The following SSPN variants were observed in gnomAD, a reference collection of about 807,000 sequenced individuals.
SSPN encodes the protein sarcospan.
In SSPN, 15 loss-of-function variants were observed where a neutral mutation model predicts 19.1. The observed-to-expected ratio is 0.78, with a 90% confidence interval of 0.52 to 1.21. The LOEUF (loss-of-function observed/expected upper bound fraction) is 1.21, where lower values mean the gene tolerates loss of function less well. SSPN is among the 50% of genes most tolerant of loss of function. The pLI is 0.00. For synonymous variants in SSPN, 147 were observed against 140.3 expected (o/e 1.05, Z -0.34); for missense variants, 291 against 314.0 (o/e 0.93, Z 0.55).
At chr12:26,224,235 T>G (rs1945153471) in intron 1 of SSPN, 58 bp from the exon 2 acceptor site, 9 of 1,214,904 alleles carry the variant, frequency 7.4e-6, no homozygotes, top group Non-Finnish European at 1.1e-5. Context: ...GAGACTGATG[T>G]CATTTGAACG....
chr12:26,197,072 C>G (rs1434305309), intron 1 of SSPN, among the ~76,000 whole-genome samples: 1 of 152,210 alleles, frequency 6.6e-6, no homozygotes, highest in Non-Finnish European at 1.5e-5. Context: ...ATGACATTCT[C>G]AAGCCCAGAG....
intron 1 of SSPN, chr12:26,124,199 G>A (rs1944341121): frequency 7.4e-6 from 11 of 1,495,786 alleles, no homozygotes; most frequent in East Asian, 2.3e-5. Flanking sequence ...TGAGAGTCAT[G>A]GAAAAGAGAA....
intron 1 of SSPN, among the ~76,000 whole-genome samples, chr12:26,182,766 CTTTT>C (rs68001290): frequency 2.3e-5 from 3 of 131,546 alleles, no homozygotes; most frequent in Admixed American, 7.6e-5. Flanking sequence ...AAAGTACATA[CTTTT>C]TTTTTTTTTT....
chr12:26,168,214 G>GAAAAAAAAAAA (rs60365188), intron 1 of SSPN, among the ~76,000 whole-genome samples: 1 of 117,556 alleles, frequency 8.5e-6, no homozygotes, highest in Non-Finnish European at 1.8e-5. Flanking sequence ...CCCTGTCTCA[G>GAAAAAAAAAAA]AAAAAAAAAA....
intron 1 of SSPN, among the ~76,000 whole-genome samples, chr12:26,131,980 A>G (rs1944399462): frequency 6.6e-6 from 1 of 152,140 alleles, no homozygotes; most frequent in Non-Finnish European, 1.5e-5. Context: ...CCCTGAGAGG[A>G]TCTCCTATCC....
chr12:26,122,565 C>G (rs1263354784), intron 1 of SSPN: 2 of 1,129,132 alleles, frequency 1.8e-6, no homozygotes, highest in Admixed American at 4.8e-5. Flanking sequence ...GGCGTCGGGT[C>G]TCAGCAGCGC....
At chr12:26,224,863 C>T (rs1375659595) in intron 2 of SSPN, among the ~76,000 whole-genome samples, 1 of 151,872 alleles carries the variant, frequency 6.6e-6, no homozygotes, top group Non-Finnish European at 1.5e-5. Context: ...ATGGGATATG[C>T]GTGGTTTGGC....
intron 1 of SSPN, among the ~76,000 whole-genome samples, chr12:26,148,274 G>A (rs536445551): frequency 7.2e-5 from 11 of 152,284 alleles, no homozygotes; most frequent in Admixed American, 2.6e-4. Context: ...GCTTCTTCCC[G>A]AGATCTGAAT....
At chr12:26,127,764 C>A (rs577231304) in intron 1 of SSPN, among the ~76,000 whole-genome samples, 2 of 152,136 alleles carry the variant, frequency 1.3e-5, no homozygotes, top group African/African-American at 4.8e-5. Flanking sequence ...GATCTTTCAC[C>A]CTGGTGACTC....
At chr12:26,177,335 G>A (rs1216104632) in intron 1 of SSPN, among the ~76,000 whole-genome samples, 1 of 152,198 alleles carries the variant, frequency 6.6e-6, no homozygotes, top group Non-Finnish European at 1.5e-5. Flanking sequence ...ACATGGTGCT[G>A]GTTGCTACAT....
rs542464554 is a variant in SSPN, at chr12:26,206,984, C to A, written c.279+11033C>A. ...GTCTCTGGGTGAGGAAACACAGGTA[C>A]AACTAACTGCAATTTAGTTTTAAAA... On this transcript the variant is annotated intron_variant, in intron 1 of 2. Coordinates refer to ENST00000242729, the MANE Select transcript of SSPN (RefSeq NM_005086.5). Among the ~76,000 whole-genome samples, 5 of 152,272 alleles carry A rather than the reference C, an allele frequency of 3.3e-5. No individual in the cohort carries two copies. In the South Asian group the frequency reaches 8.3e-4, roughly 25 times the overall value.
chr12:26,171,645 C>G (rs1565677582), intron 1 of SSPN, among the ~76,000 whole-genome samples: 1 of 151,156 alleles, frequency 6.6e-6, no homozygotes, highest in Non-Finnish European at 1.5e-5. Flanking sequence ...TGTCAAAGAA[C>G]TATAGTTATT....
intron 1 of SSPN, among the ~76,000 whole-genome samples, chr12:26,138,075 A>G (rs1206826979): frequency 6.6e-6 from 1 of 152,186 alleles, no homozygotes; most frequent in African/African-American, 2.4e-5. Context: ...TCCCATGTAA[A>G]TAAAGCATAG....
At chr12:26,136,709 A>G (rs2137401223) in intron 1 of SSPN, among the ~76,000 whole-genome samples, 1 of 152,358 alleles carries the variant, frequency 6.6e-6, no homozygotes, top group South Asian at 2.1e-4. Flanking sequence ...GGTGAATAAC[A>G]ATAAAACAGA....
intron 1 of SSPN, among the ~76,000 whole-genome samples, chr12:26,152,583 T>G (rs978941281): frequency 1.3e-5 from 2 of 152,158 alleles, no homozygotes; most frequent in African/African-American, 4.8e-5. Context: ...ATGCAGACTC[T>G]ACCTCCAAAA....
chr12:26,164,112 T>C (rs189327956), intron 1 of SSPN, among the ~76,000 whole-genome samples: 212 of 152,336 alleles, frequency 1.4e-3, no homozygotes, highest in African/African-American at 4.9e-3. Flanking sequence ...TGAAAGTCAT[T>C]GCAGCATCAC....
At chr12:26,122,471 G>A (rs1176479634) in intron 1 of SSPN, 4 of 1,345,022 alleles carry the variant, frequency 3.0e-6, no homozygotes, top group South Asian at 3.3e-5. Context: ...AGAAGGGCAG[G>A]CAGAAGGGGG....
At chr12:26,156,885 C>A (rs1208319341) in intron 1 of SSPN, among the ~76,000 whole-genome samples, 1 of 152,132 alleles carries the variant, frequency 6.6e-6, no homozygotes, top group African/African-American at 2.4e-5. Context: ...TGGCCCGTAG[C>A]ATTTGAGGAC....
At chr12:26,182,185 T>C (rs893054180) in intron 1 of SSPN, among the ~76,000 whole-genome samples, 3 of 152,208 alleles carry the variant, frequency 2.0e-5, no homozygotes, top group Non-Finnish European at 4.4e-5. Context: ...AAACAACTGA[T>C]GTGAGCCTCA....
Sources: allele counts gnomAD v4.1 joint callset (sites outside exome capture counted in the v4.1 genomes callset), GRCh38; gene constraint gnomAD v4.1.1; transcripts MANE v1.5; gene names NCBI Gene and HGNC (gene_info 2026-07-23, HGNC 2026-07-21).